Variants in NPLOC4 observed in about 807,000 individuals in gnomAD.
The protein encoded by NPLOC4 is NPL4 homolog, ubiquitin recognition factor.
Under a neutral mutation model 80.6 loss-of-function variants are expected in NPLOC4, and 18 were observed. The observed-to-expected ratio is 0.22, with a 90% CI of 0.15 to 0.33. The LOEUF is 0.33. Among genes scored for constraint, NPLOC4 ranks in the 10% least tolerant of loss-of-function variants. NPLOC4 has a pLI of 1.00. For synonymous variants in NPLOC4, 313 were observed against 301.5 expected (o/e 1.04, Z -0.39); for missense variants, 540 against 786.1 (o/e 0.69, Z 3.74).
rs1309708938 is a variant in NPLOC4, at chr17:81,613,331, G to C, written c.373C>G (p.Arg125Gly). ...TGGATCACTTACAGCTGTGGGTCTC[G>C]GCTTCTGTAAATCTTCCCGTCCTGT... is the stretch of plus-strand genomic sequence containing the variant. ...SKQDGKIYRS[R>G]DPQLCRHGPL... The change falls in exon 4 of 17, where the codon CGA becomes GGA. Residue 125 changes from arginine to glycine, a missense_variant. By Grantham distance (125) the Arg-to-Gly change is moderately radical. This residue lies in a region of NPLOC4 where 74 missense variants were observed against 75.7 expected (regional missense o/e 0.98). Transcript: ENST00000331134. The C allele has an allele frequency of 1.5e-5, 25 of 1,613,142 alleles. No individual in the cohort carries two copies. Among genetic ancestry groups the C allele is most frequent in the Non-Finnish European group, 1.9e-5 (23 of 1,179,654 alleles).
chr17:81,617,927 G>A (rs1485361543), intron 3 of NPLOC4, among the ~76,000 whole-genome samples: 5 of 152,196 alleles, frequency 3.3e-5, no homozygotes, highest in African/African-American at 4.8e-5. Context: ...CCGAGGTGCC[G>A]GGATTGCAGA....
At chr17:81,627,613 C>A (rs1386640404) in intron 2 of NPLOC4, among the ~76,000 whole-genome samples, 1 of 151,988 alleles carries the variant, frequency 6.6e-6, no homozygotes, top group Non-Finnish European at 1.5e-5. Context: ...GTGGCGTATG[C>A]CTGTAATCCC....
chr17:81,582,277 C>T (rs774387683), intron 12 of NPLOC4, among the ~76,000 whole-genome samples: 5 of 152,200 alleles, frequency 3.3e-5, no homozygotes, highest in Non-Finnish European at 5.9e-5. Context: ...GCTGAAGATG[C>T]CTGCACGTCA....
intron 12 of NPLOC4, among the ~76,000 whole-genome samples, chr17:81,587,403 C>T (rs1220482759): frequency 6.6e-6 from 1 of 151,620 alleles, no homozygotes. Flanking sequence ...GCAAGCTCTG[C>T]CTCCCAGGTT....
chr17:81,595,535 T>TA (rs199862664), intron 11 of NPLOC4, among the ~76,000 whole-genome samples: 2,776 of 56,424 alleles, frequency 0.049, 41 homozygotes, highest in Non-Finnish European at 0.073. Context: ...TATATATATA[T>TA]TTTTTTTTTC....
At chr17:81,625,476 A>C (rs2035771645) in intron 2 of NPLOC4, among the ~76,000 whole-genome samples, 1 of 152,240 alleles carries the variant, frequency 6.6e-6, no homozygotes, top group Admixed American at 6.5e-5. Flanking sequence ...AAAGAAACAA[A>C]TCATAAAAGA....
chr17:81,593,328 G>C lies in NPLOC4; in HGVS notation c.1120+2788C>G, dbSNP rs909015132. Among the ~76,000 whole-genome samples, 6 of 152,174 alleles carry C rather than the reference G, an allele frequency of 3.9e-5. No individual in the cohort carries two copies. In the East Asian group the frequency reaches 1.2e-3, roughly 29 times the overall value. ...TTGCTGACGGCAAGGCCAGCTGAGAGGCCTGGACCCAGCCCTGTGCTCAGC... is the reference window on the plus strand; with the variant it reads ...TTGCTGACGGCAAGGCCAGCTGAGACGCCTGGACCCAGCCCTGTGCTCAGC... On this transcript the variant is annotated intron_variant, in intron 11 of 16. Transcript: ENST00000331134.
At chr17:81,606,500 C>T (rs1305788245) in intron 7 of NPLOC4, among the ~76,000 whole-genome samples, 191 bp downstream of exon 7, 14 of 152,218 alleles carry the variant, frequency 9.2e-5, no homozygotes, top group Admixed American at 9.2e-4. Flanking sequence ...CACTCCATAT[C>T]TCCAAGAGCA....
At chr17:81,625,302 G>C (rs2035767947) in intron 2 of NPLOC4, among the ~76,000 whole-genome samples, 1 of 152,192 alleles carries the variant, frequency 6.6e-6, no homozygotes, top group African/African-American at 2.4e-5. Flanking sequence ...ACTTCCATTT[G>C]ACACTGAGAT....
chr17:81,636,458 T>G (rs1359549770), intron 1 of NPLOC4: 2 of 154,358 alleles, frequency 1.3e-5, no homozygotes, highest in East Asian at 3.8e-4. Context: ...CTCTCCTTAG[T>G]GACTCATGAC....
At chr17:81,576,253 C>T (rs953331025) in intron 12 of NPLOC4, among the ~76,000 whole-genome samples, 1 of 152,094 alleles carries the variant, frequency 6.6e-6, no homozygotes, top group Non-Finnish European at 1.5e-5. Flanking sequence ...CCTAAAAGCA[C>T]GGAAAGAGTA....
chr17:81,560,307 G>A (rs1013268432), intron 16 of NPLOC4, among the ~76,000 whole-genome samples: 2 of 152,114 alleles, frequency 1.3e-5, no homozygotes, highest in African/African-American at 4.8e-5. Flanking sequence ...CGGCTACTCA[G>A]GAGGCTGAGG....
Position 81,629,711 on chromosome 17 carries a change from C to G in NPLOC4, c.96+14G>C, listed in dbSNP as rs1454224991. 5 of 1,595,812 alleles carry G rather than the reference C, an allele frequency of 3.1e-6. No individual in the cohort carries two copies. Among genetic ancestry groups the G allele is most frequent in the Non-Finnish European group, 4.3e-6 (5 of 1,163,610 alleles). ...GAAAAATATCCTGAGGGTCAATACCCAGGCCACAGATACCTTTTTCAAAAA... is the reference window on the plus strand; with the variant it reads ...GAAAAATATCCTGAGGGTCAATACCGAGGCCACAGATACCTTTTTCAAAAA... On this transcript the variant is annotated intron_variant, in intron 2 of 16. Coordinates refer to ENST00000331134, the MANE Select transcript of NPLOC4 (RefSeq NM_017921.4).
Position 81,559,445 on chromosome 17 carries a change from A to C in NPLOC4, c.1670-29T>G, listed in dbSNP as rs1387421399. ...CAGGGTGGAAGAGAAATGAGCACTC[A>C]TCATTTCTGGCCCACCAGAGACTGC... is the stretch of plus-strand genomic sequence containing the variant. On this transcript the variant is annotated intron_variant, in intron 16 of 16. Transcript: ENST00000331134. 3 of 1,590,084 alleles carry C rather than the reference A, an allele frequency of 1.9e-6. No individual in the cohort carries two copies. The Admixed American group carries it at 5.3e-5, about 28-fold the overall frequency.
intron 1 of NPLOC4, among the ~76,000 whole-genome samples, chr17:81,635,575 G>T (rs562693315): frequency 1.3e-5 from 2 of 152,060 alleles, no homozygotes; most frequent in Non-Finnish European, 2.9e-5. Flanking sequence ...TGTCGCCCAG[G>T]GTGGAGTCCA....
In NPLOC4 at chr17:81,565,550, T is replaced by C; in HGVS notation, c.1624A>G (p.Thr542Ala). The change falls in exon 16 of 17, where the codon ACA becomes GCA. Residue 542 changes from threonine to alanine, a missense_variant. By Grantham distance (58) the Thr-to-Ala change is moderately conservative. This residue lies in a region of NPLOC4 where 251 missense variants were observed against 377.5 expected (regional missense o/e 0.66). Coordinates refer to ENST00000331134, the MANE Select transcript of NPLOC4 (RefSeq NM_017921.4). ...VRTRNEELAQ[T>A]WKRSEQWATI... ...GCCCACTGCTCAGACCTCTTCCATG[T>C]CTGGGCGAGCTCCTCATTTCTGGTC... 1 of 1,556,180 alleles carries C rather than the reference T, an allele frequency of 6.4e-7. No individual in the cohort carries two copies. Among genetic ancestry groups the C allele is most frequent in the Non-Finnish European group, 8.7e-7 (1 of 1,150,592 alleles).
intron 1 of NPLOC4, 112 bp from the exon 2 acceptor site, chr17:81,629,917 A>C (rs2055692670): frequency 1.3e-6 from 1 of 755,618 alleles, no homozygotes; most frequent in African/African-American, 1.7e-5. Context: ...ATTAAAGCCA[A>C]ACCTCACTCT....
chr17:81,633,255 T>C (rs1232040641), intron 1 of NPLOC4, among the ~76,000 whole-genome samples: 1 of 152,212 alleles, frequency 6.6e-6, no homozygotes, highest in Non-Finnish European at 1.5e-5. Flanking sequence ...TACTTCCACT[T>C]ATTTGTTTCT....
chr17:81,603,799 G>GT (rs2035128381), intron 8 of NPLOC4, among the ~76,000 whole-genome samples: 1 of 151,926 alleles, frequency 6.6e-6, no homozygotes, highest in Non-Finnish European at 1.5e-5. Flanking sequence ...TCCCTAAATA[G>GT]TACAGCATGC....
Sources: gnomAD v4.1 joint callset for allele counts (sites outside exome capture counted in the v4.1 genomes callset) on GRCh38, gnomAD v4.1.1 for gene constraint, gnomAD v4.1.1 regional missense constraint, MANE v1.5 for transcripts, NCBI Gene and HGNC (gene_info 2026-07-23, HGNC 2026-07-21) for gene names.